CSMD1: variants seen among roughly 807,000 people sequenced by gnomAD.
CSMD1 encodes CUB and Sushi multiple domains 1.
CSMD1 carries 213 observed loss-of-function variants against 417.5 expected under a neutral mutation model. The ratio of observed to expected loss-of-function variants is 0.51; its 90% CI spans 0.46 to 0.57. CSMD1 has a LOEUF of 0.57. Among genes scored for constraint, CSMD1 ranks in the 20% least tolerant of loss-of-function variants. CSMD1 has a pLI of 0.00. For synonymous variants in CSMD1, 2,862 were observed against 1,736.8 expected (o/e 1.65, Z -16.11); for missense variants, 6,923 against 4,529.7 (o/e 1.53, Z -15.17).
At chr8:4,438,359 C>G (rs1279538536) in intron 2 of CSMD1, among the ~76,000 whole-genome samples, 1 of 152,148 alleles carries the variant, frequency 6.6e-6, no homozygotes, top group East Asian at 1.9e-4. Context: ...CTGCATCACC[C>G]CTTTCTCACT....
At chr8:4,237,304 G>T (rs895750653) in intron 3 of CSMD1, among the ~76,000 whole-genome samples, 1 of 152,048 alleles carries the variant, frequency 6.6e-6, no homozygotes, top group African/African-American at 2.4e-5. Context: ...ATATTGAGAG[G>T]GAATGTTAAC....
chr8:4,023,601 T>TC (rs11375330), intron 4 of CSMD1, among the ~76,000 whole-genome samples: 114 of 141,052 alleles, frequency 8.1e-4, no homozygotes, highest in Non-Finnish European at 1.5e-3. Flanking sequence ...TTTTTTTTTT[T>TC]CCTGACACGG....
At chr8:4,255,388 A>C (rs1803383726) in intron 3 of CSMD1, among the ~76,000 whole-genome samples, 1 of 152,238 alleles carries the variant, frequency 6.6e-6, no homozygotes, top group South Asian at 2.1e-4. Flanking sequence ...GAGCAAAAAA[A>C]TTAAAGAGGA....
intron 10 of CSMD1, among the ~76,000 whole-genome samples, chr8:3,568,598 A>C (rs1299740192): frequency 6.6e-6 from 1 of 152,146 alleles, no homozygotes; most frequent in Non-Finnish European, 1.5e-5. Context: ...TGTGTATATC[A>C]ATGTATTTAT....
chr8:3,136,301 G>C (rs1818084877), intron 41 of CSMD1, among the ~76,000 whole-genome samples: 1 of 141,424 alleles, frequency 7.1e-6, no homozygotes, highest in South Asian at 2.2e-4. Flanking sequence ...CTGTCACCCA[G>C]ACTGGAGTGC....
At chr8:3,858,683 T>A (rs890689113) in intron 5 of CSMD1, among the ~76,000 whole-genome samples, 4 of 152,164 alleles carry the variant, frequency 2.6e-5, no homozygotes, top group Admixed American at 2.0e-4. Context: ...CTTTTTTTTT[T>A]TCTGTTCGTA....
intron 1 of CSMD1, among the ~76,000 whole-genome samples, chr8:4,909,731 G>A (rs986470127): frequency 6.6e-6 from 1 of 152,148 alleles, no homozygotes; most frequent in Admixed American, 6.5e-5. Context: ...GACCATTTAA[G>A]TGATCTCACC....
chr8:3,393,943 C>T (rs1371932044), intron 17 of CSMD1, among the ~76,000 whole-genome samples: 3 of 140,104 alleles, frequency 2.1e-5, no homozygotes, highest in African/African-American at 7.9e-5. Context: ...ACATATGTAA[C>T]AAACCTGCAC....
intron 2 of CSMD1, among the ~76,000 whole-genome samples, chr8:4,505,438 G>C (rs566557768): frequency 6.6e-6 from 1 of 151,972 alleles, no homozygotes; most frequent in African/African-American, 2.4e-5. Context: ...AAAATATCTC[G>C]ATTTAAACAG....
intron 3 of CSMD1, among the ~76,000 whole-genome samples, chr8:4,077,775 T>C (rs1799911253): frequency 6.6e-6 from 1 of 152,218 alleles, no homozygotes; most frequent in South Asian, 2.1e-4. Flanking sequence ...ATAAGCATTT[T>C]TCAGCTCATT....
intron 46 of CSMD1, among the ~76,000 whole-genome samples, chr8:3,102,010 C>T (rs943376621): frequency 1.3e-5 from 2 of 152,018 alleles, no homozygotes; most frequent in African/African-American, 4.8e-5. Context: ...CCATGTTGGC[C>T]AGGCTGGTGT....
At chr8:4,355,435 G>A (rs1801372407) in intron 3 of CSMD1, among the ~76,000 whole-genome samples, 1 of 152,002 alleles carries the variant, frequency 6.6e-6, no homozygotes, top group Non-Finnish European at 1.5e-5. Flanking sequence ...TCTTCTTTAT[G>A]TGTTTGCATG....
At chr8:3,734,798 G>A (rs925618002) in intron 6 of CSMD1, among the ~76,000 whole-genome samples, 12 of 152,222 alleles carry the variant, frequency 7.9e-5, no homozygotes, top group African/African-American at 2.7e-4. Flanking sequence ...GCAACTGGGT[G>A]CTGAGGCCCC....
At chr8:3,885,174 A>G (rs1035277298) in intron 5 of CSMD1, among the ~76,000 whole-genome samples, 1 of 152,074 alleles carries the variant, frequency 6.6e-6, no homozygotes, top group Admixed American at 6.6e-5. Context: ...CGTTGAGTTT[A>G]TTAAGAGACA....
chr8:4,422,024 T>A (rs889627504), intron 2 of CSMD1, among the ~76,000 whole-genome samples: 1 of 152,116 alleles, frequency 6.6e-6, no homozygotes, highest in Non-Finnish European at 1.5e-5. Flanking sequence ...AGAAACTACA[T>A]ATGTAAAATT....
At chr8:4,860,899 C>G (rs920748080) in intron 1 of CSMD1, among the ~76,000 whole-genome samples, 2 of 152,072 alleles carry the variant, frequency 1.3e-5, no homozygotes, top group East Asian at 1.9e-4. Context: ...CTTCCTCTGA[C>G]TCTACATAGT....
At chr8:4,068,428 C>G (rs187217072) in intron 3 of CSMD1, among the ~76,000 whole-genome samples, 1 of 152,122 alleles carries the variant, frequency 6.6e-6, no homozygotes, top group Non-Finnish European at 1.5e-5. Flanking sequence ...AGCACGGTTA[C>G]AGAAAATTAA....
intron 3 of CSMD1, among the ~76,000 whole-genome samples, chr8:4,188,572 C>T (rs1416304089): frequency 6.6e-6 from 1 of 152,070 alleles, no homozygotes. Context: ...TAGACACTGT[C>T]AACTGACGCG....
chr8:4,359,441 C>G (rs199695255), intron 3 of CSMD1, among the ~76,000 whole-genome samples: 1 of 152,126 alleles, frequency 6.6e-6, no homozygotes, highest in African/African-American at 2.4e-5. Context: ...TTTTCTCGAG[C>G]AATTTAAAGC....
Sources: allele counts gnomAD v4.1 joint callset (sites outside exome capture counted in the v4.1 genomes callset), GRCh38; gene constraint gnomAD v4.1.1; transcripts MANE v1.5; gene names NCBI Gene and HGNC (gene_info 2026-07-23, HGNC 2026-07-21).